The following CGNL1 variants were observed in gnomAD, a reference collection of about 807,000 sequenced individuals.
CGNL1 encodes the protein cingulin like 1.
A neutral mutation model predicts 141.2 loss-of-function variants in CGNL1; 132 were observed. The observed-to-expected ratio is 0.93, with a 90% CI of 0.81 to 1.08. The LOEUF is 1.08. Among genes scored for constraint, CGNL1 ranks in the 50% least tolerant of loss-of-function variants. The pLI is 0.00. For missense variants in CGNL1, 1,870 were observed against 1,588.6 expected, an observed-to-expected ratio of 1.18 and a Z score of -3.01; for synonymous variants, 690 against 622.1, an observed-to-expected ratio of 1.11 and a Z score of -1.63.
intron 1 of CGNL1, among the ~76,000 whole-genome samples, chr15:57,434,673 A>G (rs1348553728): frequency 3.9e-5 from 6 of 152,228 alleles, no homozygotes; most frequent in Non-Finnish European, 7.3e-5. Flanking sequence ...AAAGGGTACA[A>G]TGAGCTTCAG....
At position 57,439,920 on chromosome 15, in the gene CGNL1, T is replaced by G. The variant is rs1198529089; in HGVS notation, c.1602+319T>G. ...TCTGAAAGTATGCAGAATTTGTTTC[T>G]ACACAGAGGCTGAATAGTTAGGTTT... On this transcript the variant is annotated intron_variant, in intron 2 of 18. Coordinates refer to ENST00000281282, the MANE Select transcript of CGNL1 (RefSeq NM_032866.5). 2.6e-5 allele frequency among the ~76,000 whole-genome samples: 4 copies of G among 152,328 alleles called. No individual in the cohort carries two copies. In the East Asian group the frequency reaches 7.7e-4, roughly 29 times the overall value.
chr15:57,475,216 G>A lies in CGNL1; in HGVS notation c.2403+13324G>A, dbSNP rs183507402. Reference sequence around the variant, plus strand: ...CCCTTCAGTTACAGAGTCCTGCCTGGTCTCCAAGGCCTGCACTCCACCACC... The same window carrying A: ...CCCTTCAGTTACAGAGTCCTGCCTGATCTCCAAGGCCTGCACTCCACCACC... On this transcript the variant is annotated intron_variant, in intron 8 of 18. Transcript: ENST00000281282. Among the ~76,000 whole-genome samples, 7 of 152,258 alleles carry A rather than the reference G, an allele frequency of 4.6e-5. 1 individual carries two copies. The highest frequency in any genetic ancestry group is 4.6e-4 in the Admixed American group (7 of 15,296).
chr15:57,483,953 C>T (rs1444582569), intron 8 of CGNL1, among the ~76,000 whole-genome samples: 6 of 152,084 alleles, frequency 3.9e-5, no homozygotes, highest in African/African-American at 1.2e-4. Context: ...TCACTTGATC[C>T]TACTGTATAA....
chr15:57,470,406 C>T (rs192542796), intron 8 of CGNL1, among the ~76,000 whole-genome samples: 2 of 152,090 alleles, frequency 1.3e-5, no homozygotes, highest in Admixed American at 1.3e-4. Context: ...GCCCAGTGCC[C>T]CATTCTGTGG....
chr15:57,497,032 A>G (rs569814173), intron 8 of CGNL1, among the ~76,000 whole-genome samples: 1 of 152,300 alleles, frequency 6.6e-6, no homozygotes, highest in African/African-American at 2.4e-5. Context: ...ATCCAAACAG[A>G]GCAGCAGACC....
At chr15:57,481,473 C>G (rs2063725562) in intron 8 of CGNL1, among the ~76,000 whole-genome samples, 1 of 152,152 alleles carries the variant, frequency 6.6e-6, no homozygotes, top group African/African-American at 2.4e-5. Context: ...TTTCTCTCAG[C>G]ATTGTTCTCT....
chr15:57,545,706 G>C lies in CGNL1; in HGVS notation c.3609+6G>C. 1 of 1,605,810 alleles carries C rather than the reference G, an allele frequency of 6.2e-7. No individual in the cohort carries two copies. Among genetic ancestry groups the C allele is most frequent in the Non-Finnish European group, 8.5e-7 (1 of 1,174,690 alleles). ...TGACTGATCAGAAGGACCAGGTGGGGAGCCTCTGCGTGCATTTGCTCTTAG... is the reference window on the plus strand; with the variant it reads ...TGACTGATCAGAAGGACCAGGTGGGCAGCCTCTGCGTGCATTTGCTCTTAG... On this transcript the variant is annotated splice_donor_region_variant and intron_variant, in intron 17 of 18. Coordinates refer to ENST00000281282, the MANE Select transcript of CGNL1 (RefSeq NM_032866.5).
chr15:57,404,900 T>C (rs2062698161), intron 1 of CGNL1, among the ~76,000 whole-genome samples: 1 of 152,268 alleles, frequency 6.6e-6, no homozygotes, highest in Admixed American at 6.5e-5. Flanking sequence ...AAGTTCCAAC[T>C]ATGCTACTTG....
intron 8 of CGNL1, among the ~76,000 whole-genome samples, chr15:57,478,554 G>A (rs2063685598): frequency 1.3e-5 from 2 of 152,134 alleles, no homozygotes; most frequent in African/African-American, 4.8e-5. Context: ...TGATTGTCTT[G>A]TGGTGTGTTG....
chr15:57,539,751 T>C (rs757673220), intron 14 of CGNL1, among the ~76,000 whole-genome samples: 34 of 152,262 alleles, frequency 2.2e-4, no homozygotes, highest in Non-Finnish European at 4.1e-4. Flanking sequence ...TCCCCTGACA[T>C]GGGGGGTTGG....
At chr15:57,437,672 A>G (rs2063123442) in intron 1 of CGNL1, among the ~76,000 whole-genome samples, 1 of 149,136 alleles carries the variant, frequency 6.7e-6, no homozygotes, top group African/African-American at 2.5e-5. Flanking sequence ...AGCCCAAAAC[A>G]GAATAACAAA....
chr15:57,426,612 A>ATTTTTTT (rs35055374), intron 1 of CGNL1, among the ~76,000 whole-genome samples: 1 of 119,644 alleles, frequency 8.4e-6, no homozygotes. Flanking sequence ...ATGCTTGGCT[A>ATTTTTTT]TTTTTTTTTT....
At chr15:57,468,710 T>C (rs2063542833) in intron 8 of CGNL1, among the ~76,000 whole-genome samples, 1 of 152,182 alleles carries the variant, frequency 6.6e-6, no homozygotes, top group South Asian at 2.1e-4. Flanking sequence ...GGGACTGATA[T>C]GATTTGGCTA....
At chr15:57,483,037 G>A (rs966662147) in intron 8 of CGNL1, among the ~76,000 whole-genome samples, 6 of 152,112 alleles carry the variant, frequency 3.9e-5, no homozygotes, top group East Asian at 1.9e-4. Context: ...TCCGCCCACC[G>A]CGGCCTCCTA....
At chr15:57,455,876 A>G (rs907830029) in intron 7 of CGNL1, among the ~76,000 whole-genome samples, 4 of 152,194 alleles carry the variant, frequency 2.6e-5, no homozygotes, top group Non-Finnish European at 5.9e-5. Context: ...AGGAGTGGGC[A>G]ATAGCACATA....
Position 57,383,631 on chromosome 15 carries a change from C to CTTTTCT in CGNL1, c.-16+7068_-16+7069insCTTTTT, listed in dbSNP as rs1555428914. Among the ~76,000 whole-genome samples, 345 of 37,942 alleles carry CTTTTCT rather than the reference C, an allele frequency of 9.1e-3. 2 individuals are homozygous for CTTTTCT. Among genetic ancestry groups the CTTTTCT allele is most frequent in the Middle Eastern group, 0.029 (2 of 68 alleles). 24.9% of individuals were successfully genotyped at this position (37,942 alleles called of 152,430 possible). ...CTTTTCTTTTCTTTTCTTTTCTTTT[C>CTTTTCT]TTTTTTTTTTTGAGATAATCTCACT... On this transcript the variant is annotated intron_variant, in intron 1 of 18. Transcript: ENST00000281282.
At chr15:57,390,337 T>C (rs1166159237) in intron 1 of CGNL1, among the ~76,000 whole-genome samples, 1 of 152,190 alleles carries the variant, frequency 6.6e-6, no homozygotes, top group African/African-American at 2.4e-5. Context: ...TACAGAGGCA[T>C]AAGAAGGCAA....
At chr15:57,521,870 A>G (rs1197254353) in intron 10 of CGNL1, among the ~76,000 whole-genome samples, 1 of 151,884 alleles carries the variant, frequency 6.6e-6, no homozygotes, top group African/African-American at 2.4e-5. Flanking sequence ...GAGGGGGTTG[A>G]GTTGGATCCT....
At chr15:57,428,520 T>C (rs1259019910) in intron 1 of CGNL1, among the ~76,000 whole-genome samples, 1 of 152,078 alleles carries the variant, frequency 6.6e-6, no homozygotes, top group Non-Finnish European at 1.5e-5. Flanking sequence ...AAGCTTAAAA[T>C]GTGGTTGCTG....
Sources: allele counts gnomAD v4.1 joint callset (sites outside exome capture counted in the v4.1 genomes callset), GRCh38; gene constraint gnomAD v4.1.1; transcripts MANE v1.5; gene names NCBI Gene and HGNC (gene_info 2026-07-23, HGNC 2026-07-21).